Variants in PEX5L observed in about 807,000 individuals in gnomAD.
The protein encoded by PEX5L is peroxisomal biogenesis factor 5 like.
Under a neutral mutation model 84.0 loss-of-function variants are expected in PEX5L, and 30 were observed. That is an observed-to-expected ratio of 0.36 (90% confidence interval 0.27 to 0.48). PEX5L has a LOEUF of 0.48. Ranked by LOEUF, PEX5L falls within the 20% of genes least tolerant of loss-of-function variation. The probability of loss-of-function intolerance (pLI) is 0.99; values close to 1 mark genes in which losing one functional copy is unlikely to be tolerated. For missense variants in PEX5L, 533 were observed against 754.6 expected, an observed-to-expected ratio of 0.71 and a Z score of 3.44; for synonymous variants, 270 against 283.1, an observed-to-expected ratio of 0.95 and a Z score of 0.46.
At chr3:179,833,521 T>C (rs1405228910) in intron 8 of PEX5L, among the ~76,000 whole-genome samples, 2 of 152,214 alleles carry the variant, frequency 1.3e-5, no homozygotes, top group African/African-American at 2.4e-5. Context: ...ATTATCTAGG[T>C]TGGACAAAAG....
chr3:179,937,747 C>G (rs1023516691), intron 2 of PEX5L, among the ~76,000 whole-genome samples: 8 of 152,224 alleles, frequency 5.3e-5, no homozygotes, highest in African/African-American at 1.9e-4. Context: ...AACTCTGGAA[C>G]CTTAGTTCAA....
rs1005530329 is a variant in PEX5L at position 179,801,760 on chromosome 3, A to T, written c.*68T>A. 260 of 1,021,690 alleles carry T rather than the reference A, an allele frequency of 2.5e-4. 1 individual carries two copies. Among genetic ancestry groups the T allele is most frequent in the Admixed American group, 2.6e-4 (15 of 57,144 alleles). 63.3% of individuals were successfully genotyped at this position (1,021,690 alleles called of 1,614,324 possible). A position where few individuals can be genotyped will look rare whatever the true frequency, so the allele number is the denominator to read the frequency against. On this transcript the variant is annotated 3_prime_UTR_variant, in exon 15 of 15. Coordinates refer to ENST00000467460, the MANE Select transcript of PEX5L (RefSeq NM_016559.3). ...ATTTATCCTTTTGAAATTCATAATA[A>T]AATAGTTTTTGATTTTTCAGTACAA...
At chr3:179,951,102 C>T (rs1295474467) in intron 2 of PEX5L, among the ~76,000 whole-genome samples, 3 of 152,192 alleles carry the variant, frequency 2.0e-5, no homozygotes, top group Non-Finnish European at 2.9e-5. Context: ...AAATGTTATT[C>T]TTGCTTCCTC....
In PEX5L at chr3:179,799,263, AT is replaced by A. The variant is rs1718156658; in HGVS notation, c.*2564del. The A allele has an allele frequency of 6.6e-6, 1 of 152,200 alleles. No individual in the cohort carries two copies. The highest frequency in any genetic ancestry group is 1.5e-5 in the Non-Finnish European group (1 of 68,036). 9.4% of individuals were successfully genotyped at this position (152,200 alleles called of 1,614,324 possible). On this transcript the variant is annotated 3_prime_UTR_variant, in exon 15 of 15. Coordinates refer to ENST00000467460, the MANE Select transcript of PEX5L (RefSeq NM_016559.3). Reference sequence around the variant, plus strand: ...TGGTTTTAACTTAATTTTATAAAAAATATTATTGAAAAATGCAACTCTTTTC... The same window carrying A: ...TGGTTTTAACTTAATTTTATAAAAAAATTATTGAAAAATGCAACTCTTTTC...
intron 1 of PEX5L, among the ~76,000 whole-genome samples, chr3:180,023,465 G>A (rs1790601571): frequency 6.6e-6 from 1 of 152,140 alleles, no homozygotes. Flanking sequence ...CTGATCTTTG[G>A]CTTCGTAAGA....
At chr3:179,956,772 C>T (rs895569203) in intron 2 of PEX5L, among the ~76,000 whole-genome samples, 8 of 152,236 alleles carry the variant, frequency 5.3e-5, no homozygotes, top group East Asian at 1.9e-4. Context: ...GCAACATGCA[C>T]GGTGCCATCT....
At position 179,809,453 on chromosome 3, in the gene PEX5L, A is replaced by G. The variant is rs756558844; in HGVS notation, c.1352+18T>C. 10 of 1,595,230 alleles carry G rather than the reference A, an allele frequency of 6.3e-6. No homozygotes were observed. The Admixed American group carries it at 1.3e-4, about 21-fold the overall frequency. On this transcript the variant is annotated intron_variant, in intron 12 of 14. Coordinates refer to ENST00000467460, the MANE Select transcript of PEX5L (RefSeq NM_016559.3). ...ATATGGGTGTTTACTGCCAGCTGTA[A>G]TATAACGAGAAGGATACCTATCAAC...
At chr3:179,923,301 A>AAACC (rs1553900534) in intron 2 of PEX5L, among the ~76,000 whole-genome samples, 1 of 143,276 alleles carries the variant, frequency 7.0e-6, no homozygotes, top group South Asian at 2.2e-4. Context: ...AAAAAAAAAA[A>AAACC]AAAAAAAAAA....
intron 10 of PEX5L, among the ~76,000 whole-genome samples, chr3:179,812,959 C>T (rs1724473698): frequency 6.6e-6 from 1 of 152,032 alleles, no homozygotes; most frequent in African/African-American, 2.4e-5. Flanking sequence ...TCTTAAAGTG[C>T]CATTTGAATG....
intron 4 of PEX5L, 121 bp from the exon 5 acceptor site, chr3:179,880,244 T>G: frequency 3.6e-6 from 2 of 562,294 alleles, no homozygotes; most frequent in Non-Finnish European, 3.1e-6. Flanking sequence ...AAAATTACGT[T>G]AGCTCATCAT....
rs191031094 is a variant in PEX5L, at chr3:179,952,889, G to A, written c.93+18705C>T. ...ACAGTAGCCAAAACAGCATGGTACCGGTACCAAAACAGATATATAGACCAA... is the reference window on the plus strand; with the variant it reads ...ACAGTAGCCAAAACAGCATGGTACCAGTACCAAAACAGATATATAGACCAA... On this transcript the variant is annotated intron_variant, in intron 2 of 14. Transcript: ENST00000467460. Among the ~76,000 whole-genome samples the A allele has an allele frequency of 3.5e-4, 54 of 152,164 alleles. No individual in the cohort carries two copies. In the East Asian group the frequency reaches 7.7e-3, roughly 22 times the overall value.
intron 8 of PEX5L, among the ~76,000 whole-genome samples, chr3:179,843,955 C>A (rs183251330): frequency 2.5e-4 from 38 of 152,302 alleles, no homozygotes; most frequent in Non-Finnish European, 3.7e-4. Flanking sequence ...AGTAATGAGG[C>A]AGAGACCAGG....
chr3:179,942,482 CCCAGCGCTTCTGCAGGG>C (rs1776417530), intron 2 of PEX5L, among the ~76,000 whole-genome samples: 1 of 152,226 alleles, frequency 6.6e-6, no homozygotes, highest in Non-Finnish European at 1.5e-5. Flanking sequence ...TGCCCAAGGC[CCCAGCGCTTCTGCAGGG>C]CAGTGGCACC....
At chr3:179,808,878 C>T (rs1361587156) in intron 12 of PEX5L, among the ~76,000 whole-genome samples, 3 of 151,640 alleles carry the variant, frequency 2.0e-5, no homozygotes, top group Non-Finnish European at 4.4e-5. Context: ...GGAATCAAGA[C>T]CATCCTGGCT....
chr3:179,828,486 C>T (rs1731372837), intron 8 of PEX5L, among the ~76,000 whole-genome samples: 1 of 152,154 alleles, frequency 6.6e-6, no homozygotes, highest in Non-Finnish European at 1.5e-5. Context: ...GCACCAGGTC[C>T]ATACCTTTAC....
At position 179,808,304 on chromosome 3, in the gene PEX5L, C is replaced by A; in HGVS notation, c.1486G>T (p.Ala496Ser). The change falls in exon 13 of 15, where the codon GCA (alanine) becomes TCA (serine). Residue 496 changes from alanine (A) to serine (S), a missense_variant. Coordinates refer to ENST00000467460, the MANE Select transcript of PEX5L (RefSeq NM_016559.3). Reference protein sequence around the residue: ...LSGEFNRAIDAFNAALTVRPE... With the variant: ...LSGEFNRAIDSFNAALTVRPE... Reference sequence around the variant, plus strand: ...CGAACAGTTAAGGCAGCGTTAAATGCATCTATTGCTCTATTAAATTCTCCA... The same window carrying A: ...CGAACAGTTAAGGCAGCGTTAAATGAATCTATTGCTCTATTAAATTCTCCA... 2 of 1,600,736 alleles carry A rather than the reference C, an allele frequency of 1.2e-6. No individual in the cohort carries two copies. The highest frequency in any genetic ancestry group is 1.7e-6 in the Non-Finnish European group (2 of 1,174,546).
At chr3:179,905,820 T>C (rs1763002067) in intron 2 of PEX5L, among the ~76,000 whole-genome samples, 1 of 152,220 alleles carries the variant, frequency 6.6e-6, no homozygotes, top group Admixed American at 6.5e-5. Flanking sequence ...AACTGCCTTA[T>C]GAGAGCAAAG....
chr3:179,837,844 G>A (rs899378840), intron 8 of PEX5L, among the ~76,000 whole-genome samples: 1 of 152,154 alleles, frequency 6.6e-6, no homozygotes, highest in Non-Finnish European at 1.5e-5. Context: ...GTTAAAACAG[G>A]TAGACTCCTC....
intron 2 of PEX5L, among the ~76,000 whole-genome samples, chr3:179,933,247 C>T (rs953427552): frequency 3.9e-5 from 6 of 152,142 alleles, no homozygotes; most frequent in East Asian, 1.9e-4. Flanking sequence ...TGTACCTAAG[C>T]GACTCTTGTT....
Sources: gnomAD v4.1 joint callset for allele counts (sites outside exome capture counted in the v4.1 genomes callset) on GRCh38, gnomAD v4.1.1 for gene constraint, MANE v1.5 for transcripts, NCBI Gene and HGNC (gene_info 2026-07-23, HGNC 2026-07-21) for gene names.